TLN2: variants seen among roughly 807,000 people sequenced by gnomAD.
TLN2 encodes talin-2.
In TLN2, 118 loss-of-function variants were observed where a neutral mutation model predicts 294.7. That is an observed-to-expected ratio of 0.40 (90% CI 0.34 to 0.47). TLN2 has a LOEUF of 0.47. Ranked by LOEUF, TLN2 falls within the 20% of genes least tolerant of loss-of-function variation. TLN2 has a pLI of 0.84. For missense variants in TLN2, 3,083 were observed against 3,282.2 expected, an observed-to-expected ratio of 0.94 and a Z score of 1.48; for synonymous variants, 1,431 against 1,304.5, an observed-to-expected ratio of 1.10 and a Z score of -2.09.
chr15:62,684,198 C>T (rs1567344001), intron 11 of TLN2: 1 of 152,228 alleles, frequency 6.6e-6, no homozygotes, highest in African/African-American at 2.4e-5. Context: ...CAATCCGTCA[C>T]GATTCTGTGT....
At chr15:62,732,224 G>A (rs1430748001) in intron 28 of TLN2, among the ~76,000 whole-genome samples, 4 of 152,054 alleles carry the variant, frequency 2.6e-5, no homozygotes, top group Non-Finnish European at 5.9e-5. Context: ...TGCATATTTA[G>A]TAGAGAAAAG....
At chr15:62,744,453 T>C (rs1381496289) in intron 32 of TLN2, among the ~76,000 whole-genome samples, 1 of 149,964 alleles carries the variant, frequency 6.7e-6, no homozygotes, top group Non-Finnish European at 1.5e-5. Flanking sequence ...GCTGTGTTGC[T>C]CAGCCTGGTC....
chr15:62,693,150 C>G (rs1342477700), intron 13 of TLN2, among the ~76,000 whole-genome samples: 1 of 152,026 alleles, frequency 6.6e-6, no homozygotes, highest in African/African-American at 2.4e-5. Flanking sequence ...GCCAACATGG[C>G]AAAACCCCGT....
intron 1 of TLN2, among the ~76,000 whole-genome samples, chr15:62,444,365 T>C (rs1298918909): frequency 3.3e-5 from 5 of 152,276 alleles, no homozygotes; most frequent in South Asian, 2.1e-4. Context: ...TTGAATCTTA[T>C]GTAAGAAGTA....
chr15:62,736,844 T>G, intron 28 of TLN2, 34 bp from the exon 29 acceptor site: 14 of 1,605,978 alleles, frequency 8.7e-6, no homozygotes, highest in Non-Finnish European at 1.1e-5. Context: ...TTAGATGGAG[T>G]CTAATTGGAA....
chr15:62,543,403 C>T (rs996835252), intron 1 of TLN2, among the ~76,000 whole-genome samples: 2 of 152,146 alleles, frequency 1.3e-5, no homozygotes, highest in Non-Finnish European at 2.9e-5. Flanking sequence ...TGTCCTCTGT[C>T]CTTTTAGGGC....
chr15:62,516,053 A>T (rs1595989103), intron 1 of TLN2, among the ~76,000 whole-genome samples: 1 of 152,244 alleles, frequency 6.6e-6, no homozygotes, highest in African/African-American at 2.4e-5. Context: ...ACATTTGATT[A>T]GTGTGACTCT....
At chr15:62,393,668 G>C (rs289155) in intron 1 of TLN2, among the ~76,000 whole-genome samples, 143,752 of 152,218 alleles carry the variant, frequency 0.94, 68,441 homozygotes, top group East Asian at 1. Context: ...GTTATGCTTT[G>C]TAACTATGTA....
At chr15:62,513,179 A>G (rs2040017340) in intron 1 of TLN2, among the ~76,000 whole-genome samples, 1 of 152,158 alleles carries the variant, frequency 6.6e-6, no homozygotes, top group African/African-American at 2.4e-5. Flanking sequence ...ATGATGACCT[A>G]GATCCTCCAT....
intron 1 of TLN2, among the ~76,000 whole-genome samples, chr15:62,516,409 T>G (rs1328977144): frequency 6.6e-6 from 1 of 152,246 alleles, no homozygotes; most frequent in African/African-American, 2.4e-5. Context: ...CCTAATCACA[T>G]TATGCAGTTA....
At chr15:62,521,349 C>T (rs1298183949) in intron 1 of TLN2, among the ~76,000 whole-genome samples, 1 of 152,106 alleles carries the variant, frequency 6.6e-6, no homozygotes, top group Non-Finnish European at 1.5e-5. Context: ...ACCAAAAAAC[C>T]TAACTCTGTA....
intron 47 of TLN2, 63 bp from the exon 48 acceptor site, chr15:62,797,156 T>G (rs193047008): frequency 6.3e-7 from 1 of 1,580,066 alleles, no homozygotes; most frequent in Non-Finnish European, 8.7e-7. Context: ...TCTTTTCTTC[T>G]TGAAGTAATC....
intron 1 of TLN2, among the ~76,000 whole-genome samples, chr15:62,573,901 TATCTG>T (rs879608625): frequency 5.3e-5 from 8 of 151,938 alleles, no homozygotes; most frequent in Non-Finnish European, 4.4e-5. Context: ...AGCTCACAAC[TATCTG>T]ATGAAAGTTG....
In TLN2 at chr15:62,510,856, G is replaced by A. The variant is rs116462022; in HGVS notation, c.-237-78831G>A. 3.2e-3 allele frequency among the ~76,000 whole-genome samples: 483 copies of A among 152,322 alleles called. 3 individuals carry two copies. The highest frequency in any genetic ancestry group is 0.011 in the African/African-American group (463 of 41,570). On this transcript the variant is annotated intron_variant, in intron 1 of 58. Transcript: ENST00000636159. ...GACAACCCCCAGAGAATCCAGTTAC[G>A]TGCTATAGAGTGATACCACATGCTC...
At chr15:62,462,758 G>A (rs933063166) in intron 1 of TLN2, among the ~76,000 whole-genome samples, 1 of 152,196 alleles carries the variant, frequency 6.6e-6, no homozygotes, top group Non-Finnish European at 1.5e-5. Flanking sequence ...TGTGGTGTGA[G>A]GCTCTGGTGG....
chr15:62,428,785 G>A (rs746649483), intron 1 of TLN2, among the ~76,000 whole-genome samples: 2 of 152,206 alleles, frequency 1.3e-5, no homozygotes, highest in East Asian at 1.9e-4. Flanking sequence ...TACGTCGTGT[G>A]TTAAAGTGTG....
At chr15:62,479,249 G>A (rs1567012425) in intron 1 of TLN2, among the ~76,000 whole-genome samples, 1 of 152,198 alleles carries the variant, frequency 6.6e-6, no homozygotes, top group South Asian at 2.1e-4. Context: ...CCTCATATAG[G>A]CATCAAGGAC....
At chr15:62,499,237 T>G (rs2039175031) in intron 1 of TLN2, among the ~76,000 whole-genome samples, 1 of 152,076 alleles carries the variant, frequency 6.6e-6, no homozygotes, top group African/African-American at 2.4e-5. Flanking sequence ...TCACTTGAGC[T>G]CAGGAGTCCA....
At chr15:62,525,517 T>C (rs537316382) in intron 1 of TLN2, among the ~76,000 whole-genome samples, 1 of 152,322 alleles carries the variant, frequency 6.6e-6, no homozygotes, top group South Asian at 2.1e-4. Flanking sequence ...GGCAGAACAA[T>C]GTGTGAGGTT....
Sources: gnomAD v4.1 joint callset for allele counts (sites outside exome capture counted in the v4.1 genomes callset) on GRCh38, gnomAD v4.1.1 for gene constraint, MANE v1.5 for transcripts, NCBI Gene and HGNC (gene_info 2026-07-23, HGNC 2026-07-21) for gene names.